The following USP37 variants were observed in gnomAD, a reference collection of about 807,000 sequenced individuals.
USP37 encodes the protein ubiquitin specific peptidase 37, also known as ubiquitin carboxyl-terminal hydrolase 37.
In USP37, 27 loss-of-function variants were observed where a neutral mutation model predicts 124.0. The ratio of observed to expected loss-of-function variants is 0.22; its 90% CI spans 0.16 to 0.30. USP37 has a LOEUF of 0.30. USP37 is among the 10% of genes least tolerant of loss of function. The pLI is 1.00. For synonymous variants in USP37, 365 were observed against 388.0 expected, an observed-to-expected ratio of 0.94 and a Z score of 0.70; for missense variants, 889 against 1,140.4, an observed-to-expected ratio of 0.78 and a Z score of 3.17.
chr2:218,549,726 A>G, intron 6 of USP37, 83 bp downstream of exon 6: 1 of 1,335,028 alleles, frequency 7.5e-7, no homozygotes, highest in South Asian at 1.3e-5. Context: ...CGGCCTCCCA[A>G]GTGCTGGGAT....
At chr2:218,542,343 T>C (rs1251579087) in intron 8 of USP37, among the ~76,000 whole-genome samples, 2 of 152,170 alleles carry the variant, frequency 1.3e-5, no homozygotes, top group East Asian at 3.8e-4. Context: ...ACAGACAGAC[T>C]TCTAATTGGA....
At chr2:218,515,360 T>C (rs574548254) in intron 10 of USP37, among the ~76,000 whole-genome samples, 2 of 152,132 alleles carry the variant, frequency 1.3e-5, no homozygotes, top group East Asian at 1.9e-4. Context: ...TATAGACCAA[T>C]GGAACAGAAC....
chr2:218,540,721 T>C (rs1691926411), intron 8 of USP37, among the ~76,000 whole-genome samples: 2 of 152,204 alleles, frequency 1.3e-5, no homozygotes, highest in African/African-American at 4.8e-5. Context: ...CCATAGGTAA[T>C]TGAAACCACA....
chr2:218,495,385 G>C (rs879471282), intron 14 of USP37, among the ~76,000 whole-genome samples: 2 of 152,142 alleles, frequency 1.3e-5, no homozygotes, highest in African/African-American at 4.8e-5. Flanking sequence ...CAAACCATCT[G>C]CCCACCTCAT....
intron 10 of USP37, among the ~76,000 whole-genome samples, chr2:218,525,041 T>C (rs776125648): frequency 2.6e-5 from 4 of 152,254 alleles, no homozygotes; most frequent in Non-Finnish European, 5.9e-5. Flanking sequence ...CACATTCACT[T>C]ATTAGCTAAA....
chr2:218,481,678 CTTTTCTTTTT>C (rs1174948425), intron 17 of USP37, among the ~76,000 whole-genome samples: 2 of 144,404 alleles, frequency 1.4e-5, no homozygotes. Context: ...CTTTTCTTTT[CTTTTCTTTTT>C]TTTTTTTTTT....
At chr2:218,555,871 G>A (rs778994055) in intron 4 of USP37, among the ~76,000 whole-genome samples, 1 of 151,998 alleles carries the variant, frequency 6.6e-6, no homozygotes, top group South Asian at 2.1e-4. Flanking sequence ...TCAAAAACTT[G>A]AGACTCTCCC....
intron 20 of USP37, among the ~76,000 whole-genome samples, chr2:218,469,219 A>C (rs760378319): frequency 3.5e-4 from 54 of 152,386 alleles, no homozygotes; most frequent in Non-Finnish European, 6.2e-4. Flanking sequence ...AAAAACAATT[A>C]TCCTAGAGAT....
chr2:218,553,518 T>C (rs1189724836), intron 5 of USP37, 35 bp downstream of exon 5: 2 of 1,551,974 alleles, frequency 1.3e-6, no homozygotes, highest in Non-Finnish European at 1.7e-6. Context: ...CTTGTAAAAA[T>C]ACTAACGTTA....
At chr2:218,524,673 G>A (rs982820840) in intron 10 of USP37, among the ~76,000 whole-genome samples, 2 of 152,174 alleles carry the variant, frequency 1.3e-5, no homozygotes, top group Non-Finnish European at 2.9e-5. Flanking sequence ...GCAGTGGCGC[G>A]TTTTCGGCTC....
At chr2:218,520,126 C>T (rs1375354197) in intron 10 of USP37, among the ~76,000 whole-genome samples, 2 of 151,610 alleles carry the variant, frequency 1.3e-5, no homozygotes, top group Admixed American at 6.6e-5. Flanking sequence ...TTAGTAAAGA[C>T]GAGGTTTCAC....
At chr2:218,554,093 A>C (rs1400008435) in intron 4 of USP37, among the ~76,000 whole-genome samples, 1 of 152,232 alleles carries the variant, frequency 6.6e-6, no homozygotes, top group Non-Finnish European at 1.5e-5. Flanking sequence ...ATTGTGTCAA[A>C]TGGAGACATT....
At chr2:218,562,555 G>T (rs1693363928) in intron 2 of USP37, 118 bp downstream of exon 2, 2 of 393,448 alleles carry the variant, frequency 5.1e-6, no homozygotes, top group East Asian at 7.2e-5. Context: ...GCATTCAGTG[G>T]TAAATAAAGT....
chr2:218,556,133 C>T (rs761538328), intron 4 of USP37, among the ~76,000 whole-genome samples: 1 of 152,164 alleles, frequency 6.6e-6, no homozygotes, highest in African/African-American at 2.4e-5. Flanking sequence ...TTATGACAAA[C>T]AAGAAACATC....
intron 9 of USP37, among the ~76,000 whole-genome samples, chr2:218,530,921 G>A (rs1037459217): frequency 6.6e-6 from 1 of 152,134 alleles, no homozygotes; most frequent in African/African-American, 2.4e-5. Flanking sequence ...ATTCTATAAA[G>A]GCTGAGAGAA....
chr2:218,503,986 C>G (rs1689533874), intron 11 of USP37, among the ~76,000 whole-genome samples: 1 of 151,982 alleles, frequency 6.6e-6, no homozygotes. Context: ...TGTGGAGTCA[C>G]TATTAATATA....
intron 1 of USP37, among the ~76,000 whole-genome samples, chr2:218,564,899 C>A (rs182038837): frequency 4.5e-4 from 69 of 152,210 alleles, no homozygotes; most frequent in African/African-American, 1.6e-3. Context: ...TCTACACATA[C>A]AAAAATTATT....
At chr2:218,464,280 G>A (rs1690190903) in intron 21 of USP37, among the ~76,000 whole-genome samples, 1 of 151,688 alleles carries the variant, frequency 6.6e-6, no homozygotes, top group Non-Finnish European at 1.5e-5. Flanking sequence ...TATAGCCAAG[G>A]CAGAAGTACA....
At chr2:218,507,244 G>A (rs1296498699) in intron 11 of USP37, among the ~76,000 whole-genome samples, 1 of 151,876 alleles carries the variant, frequency 6.6e-6, no homozygotes, top group African/African-American at 2.4e-5. Flanking sequence ...ACTGCACTCT[G>A]CCTCCCTGGT....
Sources: gnomAD v4.1 joint callset for allele counts (sites outside exome capture counted in the v4.1 genomes callset) on GRCh38, gnomAD v4.1.1 for gene constraint, MANE v1.5 for transcripts, NCBI Gene and HGNC (gene_info 2026-07-23, HGNC 2026-07-21) for gene names.